TBX15: variants seen among roughly 807,000 people sequenced by gnomAD.
TBX15 encodes the protein T-box transcription factor TBX15.
A neutral mutation model predicts 53.9 loss-of-function variants in TBX15; 18 were observed. The observed-to-expected ratio is 0.33, with a 90% CI of 0.23 to 0.49. TBX15 has a LOEUF of 0.49. Among genes scored for constraint, TBX15 ranks in the 20% least tolerant of loss-of-function variants. TBX15 has a pLI of 0.98. For missense variants in TBX15, 692 were observed against 749.5 expected (o/e 0.92, Z 0.90); for synonymous variants, 295 against 278.0 (o/e 1.06, Z -0.61).
chr1:118,887,175 C>G (rs1347544189), intron 7 of TBX15, among the ~76,000 whole-genome samples: 1 of 152,136 alleles, frequency 6.6e-6, no homozygotes, highest in Non-Finnish European at 1.5e-5. Context: ...GGGAATCTTC[C>G]GTGATGTAAC....
intron 1 of TBX15, among the ~76,000 whole-genome samples, chr1:118,933,646 T>G (rs1313248402): frequency 6.6e-6 from 1 of 152,126 alleles, no homozygotes; most frequent in Non-Finnish European, 1.5e-5. Flanking sequence ...TCTATAGGCC[T>G]TTCAGTAGCA....
intron 1 of TBX15, among the ~76,000 whole-genome samples, chr1:118,960,425 C>T (rs1388040385): frequency 1.3e-5 from 2 of 152,222 alleles, no homozygotes; most frequent in African/African-American, 4.8e-5. Context: ...GCACCTCCAT[C>T]TAACCTTTGA....
intron 1 of TBX15, among the ~76,000 whole-genome samples, chr1:118,952,948 C>A (rs921195338): frequency 1.3e-5 from 2 of 152,142 alleles, no homozygotes; most frequent in African/African-American, 4.8e-5. Flanking sequence ...TTTAGATCCA[C>A]CCACAGCTCA....
upstream of TBX15, chr1:118,988,456 G>A (rs1313079932): frequency 6.6e-6 from 1 of 152,284 alleles, no homozygotes; most frequent in East Asian, 1.9e-4. Flanking sequence ...ACTGAGGCCC[G>A]GGCCAAAGCG....
chr1:118,924,511 GCTTA>G, intron 4 of TBX15, 131 bp downstream of exon 4: 4 of 1,030,736 alleles, frequency 3.9e-6, no homozygotes, highest in Non-Finnish European at 5.9e-6. Context: ...ACACTTTTAT[GCTTA>G]CTTACTTAAA....
intron 2 of TBX15, among the ~76,000 whole-genome samples, chr1:118,930,055 C>A (rs1424830090): frequency 6.6e-6 from 1 of 152,118 alleles, no homozygotes; most frequent in Non-Finnish European, 1.5e-5. Flanking sequence ...CCCTAGGAAG[C>A]CTTTAATGGT....
At chr1:118,911,505 G>A (rs757328868) in intron 6 of TBX15, among the ~76,000 whole-genome samples, 74 of 152,188 alleles carry the variant, frequency 4.9e-4, no homozygotes, top group Non-Finnish European at 5.7e-4. Context: ...CTTCAGGCCA[G>A]TAGAGGAACG....
intron 4 of TBX15, 112 bp from the exon 5 acceptor site, chr1:118,923,715 G>T: frequency 1.6e-6 from 2 of 1,284,024 alleles, no homozygotes; most frequent in Non-Finnish European, 2.2e-6. Context: ...ACAGATTGGA[G>T]GTGAGATGTA....
rs868257187 is a variant in TBX15, at chr1:118,893,352, G to A, written c.1024+5676C>T. Among the ~76,000 whole-genome samples the A allele has an allele frequency of 6.3e-4, 40 of 63,180 alleles. 1 individual carries two copies. Among genetic ancestry groups the A allele is most frequent in the African/African-American group, 3.6e-3 (35 of 9,674 alleles). The allele number at this position is 63,180 out of a possible 152,430, so 41.4% of individuals were successfully genotyped here. A position where few individuals can be genotyped will look rare whatever the true frequency, so the allele number is the denominator to read the frequency against. The stretch of plus-strand genomic sequence containing the variant: ...AAGAAAGAAGGAAGGAAGGAAGGAA[G>A]GAAGGAAAGAAAGAAAGAAAGAAAG... On this transcript the variant is annotated intron_variant, in intron 7 of 7. Transcript: ENST00000369429.
chr1:118,960,369 G>T (rs1342064641), intron 1 of TBX15, among the ~76,000 whole-genome samples: 2 of 152,176 alleles, frequency 1.3e-5, no homozygotes, highest in Non-Finnish European at 2.9e-5. Context: ...GAAACAACTG[G>T]ATGCAAATCA....
In TBX15 at chr1:118,931,741, A is replaced by T. The variant is rs1655788854; in HGVS notation, c.297T>A (p.Ala99=). The T allele has an allele frequency of 6.2e-7, 1 of 1,613,716 alleles. No homozygotes were observed. The highest frequency in any genetic ancestry group is 8.5e-7 in the Non-Finnish European group (1 of 1,179,862). The change falls in exon 2 of 8, where the codon GCT becomes GCA. Residue 99 remains alanine (A), a synonymous_variant. Transcript: ENST00000369429. ...ACATGGCAGCAGGCACAGGGCCTGCAGCACCAGAGGCCAGGTCAGTGTGAG... is the reference window on the plus strand; with the variant it reads ...ACATGGCAGCAGGCACAGGGCCTGCTGCACCAGAGGCCAGGTCAGTGTGAG... ...FSTHTDLASG[A]AGPVPAAMSS...
intron 1 of TBX15, among the ~76,000 whole-genome samples, chr1:118,977,637 T>C (rs1393090959): frequency 6.6e-6 from 1 of 152,108 alleles, no homozygotes. Flanking sequence ...CAGAACTCTG[T>C]AAGGAAATAA....
intron 1 of TBX15, among the ~76,000 whole-genome samples, chr1:118,979,087 GA>G (rs1228846294): frequency 1.3e-5 from 2 of 152,190 alleles, no homozygotes; most frequent in African/African-American, 4.8e-5. Flanking sequence ...GATGCATCGG[GA>G]CAGGACTTCC....
rs78304270 is a variant in TBX15, at chr1:118,979,475, T to C, written c.205+8116A>G. Among the ~76,000 whole-genome samples, 312 of 152,300 alleles carry C rather than the reference T, an allele frequency of 2.0e-3. 7 individuals are homozygous for C. In the East Asian group the frequency reaches 0.05, roughly 24 times the overall value. On this transcript the variant is annotated intron_variant, in intron 1 of 7. Transcript: ENST00000369429. ...AAAGTTCTTCAAGCCAGCGGATTCT[T>C]GGTTTCTAATTGCTAATGTTTGAAG...
At chr1:118,902,870 T>G (rs976917150) in intron 6 of TBX15, among the ~76,000 whole-genome samples, 2 of 152,220 alleles carry the variant, frequency 1.3e-5, no homozygotes, top group Admixed American at 1.3e-4. Flanking sequence ...TCATTTGTCA[T>G]CATTTTACTC....
chr1:118,966,625 G>A (rs1220082385), intron 1 of TBX15, among the ~76,000 whole-genome samples: 1 of 152,210 alleles, frequency 6.6e-6, no homozygotes, highest in East Asian at 1.9e-4. Flanking sequence ...ACTGAGGAAA[G>A]GAAGGTATAT....
chr1:118,929,796 T>C (rs1211473518), intron 2 of TBX15, among the ~76,000 whole-genome samples: 1 of 152,070 alleles, frequency 6.6e-6, no homozygotes, highest in African/African-American at 2.4e-5. Context: ...ATGACTGGAA[T>C]ACAGAGACCC....
At chr1:118,886,083 G>T (rs1030752093) in intron 7 of TBX15, among the ~76,000 whole-genome samples, 1 of 152,146 alleles carries the variant, frequency 6.6e-6, no homozygotes, top group Admixed American at 6.5e-5. Flanking sequence ...GAGGCCTGGG[G>T]GTGCAGAGCA....
chr1:118,970,039 C>T lies in TBX15; in HGVS notation c.205+17552G>A, dbSNP rs995228883. ...TGTTGTTTAAAAGTGTGTAGCACTT[C>T]CCCCTGCGTGTTCTCTGTCTCCTGC... On this transcript the variant is annotated intron_variant, in intron 1 of 7. Coordinates refer to ENST00000369429, the MANE Select transcript of TBX15 (RefSeq NM_001330677.2). Among the ~76,000 whole-genome samples the T allele has an allele frequency of 3.3e-5, 5 of 152,186 alleles. No homozygotes were observed. The East Asian group carries it at 9.6e-4, about 29-fold the overall frequency.
Sources: gnomAD v4.1 joint callset for allele counts (sites outside exome capture counted in the v4.1 genomes callset) on GRCh38, gnomAD v4.1.1 for gene constraint, MANE v1.5 for transcripts, NCBI Gene and HGNC (gene_info 2026-07-23, HGNC 2026-07-21) for gene names.